Variants in CADPS observed in about 807,000 individuals in gnomAD.
CADPS encodes calcium dependent secretion activator.
Under a neutral mutation model 167.3 loss-of-function variants are expected in CADPS, and 57 were observed. The observed-to-expected ratio is 0.34, with a 90% CI of 0.28 to 0.42. CADPS has a LOEUF of 0.42. Ranked by LOEUF, CADPS falls within the 20% of genes least tolerant of loss-of-function variation. The probability of loss-of-function intolerance (pLI) is 1.00; values close to 1 mark genes in which losing one functional copy is unlikely to be tolerated. For synonymous variants in CADPS, 676 were observed against 635.3 expected (o/e 1.06, Z -0.96); for missense variants, 1,414 against 1,738.1 (o/e 0.81, Z 3.32).
chr3:62,757,975 C>G (rs1300465887), intron 2 of CADPS, among the ~76,000 whole-genome samples: 4 of 152,226 alleles, frequency 2.6e-5, no homozygotes, highest in Non-Finnish European at 4.4e-5. Flanking sequence ...TCAATTACCT[C>G]TCACTGGGTA....
intron 6 of CADPS, among the ~76,000 whole-genome samples, chr3:62,612,458 G>C (rs1363639194): frequency 1.3e-5 from 2 of 152,226 alleles, no homozygotes; most frequent in African/African-American, 2.4e-5. Context: ...GACTCTACCA[G>C]AGTGTTGCCA....
chr3:62,709,093 G>A (rs2082882397), intron 3 of CADPS, among the ~76,000 whole-genome samples: 1 of 152,052 alleles, frequency 6.6e-6, no homozygotes, highest in Non-Finnish European at 1.5e-5. Flanking sequence ...CCCAACATCT[G>A]ACAGTTAATA....
intron 7 of CADPS, 37 bp downstream of exon 7, chr3:62,592,600 T>C: frequency 6.7e-7 from 1 of 1,491,442 alleles, no homozygotes. Flanking sequence ...GGGGAAATCC[T>C]CTCTGTGGAG....
chr3:62,525,235 T>C (rs535007014), intron 13 of CADPS, among the ~76,000 whole-genome samples: 52 of 152,226 alleles, frequency 3.4e-4, no homozygotes, highest in African/African-American at 1.1e-3. Context: ...GCTGTTCTCA[T>C]GGGGAAAGTC....
chr3:62,772,956 A>AT (rs1302687724), intron 1 of CADPS, among the ~76,000 whole-genome samples: 3 of 152,148 alleles, frequency 2.0e-5, no homozygotes, highest in African/African-American at 7.2e-5. Flanking sequence ...GTATATTGCA[A>AT]TTTTTAATAT....
At chr3:62,479,840 G>A (rs1265670305) in intron 22 of CADPS, among the ~76,000 whole-genome samples, 1 of 152,178 alleles carries the variant, frequency 6.6e-6, no homozygotes, top group Non-Finnish European at 1.5e-5. Flanking sequence ...TCAAAAGTGG[G>A]GGAATGCGTT....
intron 3 of CADPS, among the ~76,000 whole-genome samples, chr3:62,707,131 G>A (rs1433776378): frequency 1.3e-5 from 2 of 152,082 alleles, no homozygotes; most frequent in Non-Finnish European, 2.9e-5. Context: ...TTAGAAACCG[G>A]GCTGCAGCAG....
intron 4 of CADPS, among the ~76,000 whole-genome samples, chr3:62,660,503 A>C (rs2072932016): frequency 6.6e-6 from 1 of 152,216 alleles, no homozygotes; most frequent in Non-Finnish European, 1.5e-5. Context: ...TAAACTTTAA[A>C]GGTGTCCAAA....
At chr3:62,846,132 G>A (rs566986922) in intron 1 of CADPS, among the ~76,000 whole-genome samples, 1 of 151,910 alleles carries the variant, frequency 6.6e-6, no homozygotes, top group South Asian at 2.1e-4. Flanking sequence ...CTTCTACCAT[G>A]ATTGTAAGTT....
At chr3:62,488,496 A>AT (rs142030984) in intron 21 of CADPS, among the ~76,000 whole-genome samples, 30 of 147,842 alleles carry the variant, frequency 2.0e-4, no homozygotes, top group Non-Finnish European at 2.5e-4. Context: ...TTATTTATTT[A>AT]TTATTATTAT....
chr3:62,445,381 A>G (rs1285840901), intron 27 of CADPS, among the ~76,000 whole-genome samples: 3 of 152,210 alleles, frequency 2.0e-5, no homozygotes, highest in Non-Finnish European at 2.9e-5. Flanking sequence ...TCAACCTAAC[A>G]AAAAATACTA....
At chr3:62,545,010 A>G (rs1296404147) in intron 11 of CADPS, among the ~76,000 whole-genome samples, 1 of 152,104 alleles carries the variant, frequency 6.6e-6, no homozygotes, top group African/African-American at 2.4e-5. Flanking sequence ...AAACAAAACA[A>G]AAAACAAAAT....
intron 24 of CADPS, among the ~76,000 whole-genome samples, chr3:62,473,161 C>T (rs776540752): frequency 1.5e-5 from 2 of 135,062 alleles, no homozygotes; most frequent in African/African-American, 2.8e-5. Flanking sequence ...GACTCCAGTG[C>T]TTAGAACTTA....
At chr3:62,719,186 T>A (rs1395892913) in intron 3 of CADPS, among the ~76,000 whole-genome samples, 1 of 152,236 alleles carries the variant, frequency 6.6e-6, no homozygotes, top group African/African-American at 2.4e-5. Flanking sequence ...CCTGCCTGCC[T>A]TTCTGGCACT....
chr3:62,729,933 G>T (rs2077453634), intron 3 of CADPS, among the ~76,000 whole-genome samples: 1 of 151,178 alleles, frequency 6.6e-6, no homozygotes, highest in Non-Finnish European at 1.5e-5. Flanking sequence ...TGGCCAGTGG[G>T]TTGTGAGAGC....
chr3:62,688,497 T>C (rs1448117209), intron 3 of CADPS, among the ~76,000 whole-genome samples: 1 of 152,100 alleles, frequency 6.6e-6, no homozygotes, highest in Non-Finnish European at 1.5e-5. Flanking sequence ...GCCTACTATG[T>C]GCCACTGCAA....
intron 6 of CADPS, among the ~76,000 whole-genome samples, chr3:62,641,406 T>A (rs1025738482): frequency 2.0e-5 from 3 of 152,188 alleles, no homozygotes; most frequent in Non-Finnish European, 4.4e-5. Flanking sequence ...CTTAACATAA[T>A]CTCTGTTCTT....
chr3:62,875,243 G>T lies in CADPS; in HGVS notation c.-214C>A, dbSNP rs1039312271. 7.0e-6 allele frequency: 3 copies of T among 427,538 alleles called. No individual in the cohort carries two copies. Among genetic ancestry groups the T allele is most frequent in the African/African-American group, 2.1e-5 (1 of 47,958 alleles). The allele number at this position is 427,538 out of a possible 1,614,324, so 26.5% of individuals were successfully genotyped here. A position where few individuals can be genotyped will look rare whatever the true frequency, so the allele number is the denominator to read the frequency against. ...GACCCAGAAGCGCGAAGGGAGGAGG[G>T]GAAGGGAGAGGTGCGTCCGTGGACT... On this transcript the variant is annotated 5_prime_UTR_variant, in exon 1 of 30. Coordinates refer to ENST00000383710, the MANE Select transcript of CADPS (RefSeq NM_003716.4).
chr3:62,644,612 C>A (rs1056406046), intron 6 of CADPS, among the ~76,000 whole-genome samples: 1 of 152,152 alleles, frequency 6.6e-6, no homozygotes, highest in Admixed American at 6.5e-5. Context: ...GGCAGCTTAT[C>A]CACCCCTTAT....
Sources: gnomAD v4.1 joint callset for allele counts (sites outside exome capture counted in the v4.1 genomes callset) on GRCh38, gnomAD v4.1.1 for gene constraint, MANE v1.5 for transcripts, NCBI Gene and HGNC (gene_info 2026-07-23, HGNC 2026-07-21) for gene names.